The following SPAG17 variants were observed in gnomAD, a reference collection of about 807,000 sequenced individuals.
The protein encoded by SPAG17 is sperm associated antigen 17.
Under a neutral mutation model 273.6 loss-of-function variants are expected in SPAG17, and 169 were observed. The observed-to-expected ratio is 0.62, with a 90% confidence interval of 0.55 to 0.70. The LOEUF (loss-of-function observed/expected upper bound fraction) is 0.70, where lower values mean the gene tolerates loss of function less well. SPAG17 is among the 30% of genes least tolerant of loss of function. SPAG17 has a pLI of 0.00. For missense variants in SPAG17, 2,557 were observed against 2,627.8 expected (o/e 0.97, Z 0.59); for synonymous variants, 825 against 873.2 (o/e 0.94, Z 0.97).
chr1:118,054,514 G>A (rs144889628), intron 19 of SPAG17, among the ~76,000 whole-genome samples: 51 of 152,096 alleles, frequency 3.4e-4, no homozygotes, highest in African/African-American at 1.2e-3. Context: ...TGAGAGACCT[G>A]AAATTGAATG....
chr1:118,183,532 A>T (rs1661043616), intron 1 of SPAG17, among the ~76,000 whole-genome samples: 1 of 152,214 alleles, frequency 6.6e-6, no homozygotes, highest in Non-Finnish European at 1.5e-5. Context: ...TATAGTTAAA[A>T]CTACATATTA....
rs1478366383 is a variant in SPAG17 at position 118,081,652 on chromosome 1, A to C, written c.1763-10T>G. ...TTCCAGCTCAAGACATCTGTAAGAAAGCAGAACCAGTGCTGCTGGAAATGT... is the reference window on the plus strand; with the variant it reads ...TTCCAGCTCAAGACATCTGTAAGAACGCAGAACCAGTGCTGCTGGAAATGT... On this transcript the variant is annotated splice_polypyrimidine_tract_variant and intron_variant, in intron 13 of 48. Transcript: ENST00000336338. The C allele has an allele frequency of 6.2e-7, 1 of 1,609,512 alleles. No homozygotes were observed. Among genetic ancestry groups the C allele is most frequent in the Admixed American group, 1.7e-5 (1 of 59,976 alleles).
intron 18 of SPAG17, among the ~76,000 whole-genome samples, chr1:118,065,858 A>G (rs1652908931): frequency 6.6e-6 from 1 of 152,158 alleles, no homozygotes; most frequent in East Asian, 1.9e-4. Context: ...TGAATATTCG[A>G]AACATTGCCT....
At chr1:118,052,199 A>T (rs1651134651) in intron 20 of SPAG17, among the ~76,000 whole-genome samples, 1 of 148,778 alleles carries the variant, frequency 6.7e-6, no homozygotes, top group Non-Finnish European at 1.5e-5. Flanking sequence ...ATACACACAC[A>T]ATGGAATACT....
chr1:118,148,264 C>T (rs1006749027), intron 3 of SPAG17, among the ~76,000 whole-genome samples: 2 of 152,158 alleles, frequency 1.3e-5, no homozygotes, highest in Non-Finnish European at 2.9e-5. Flanking sequence ...TCACTGACTT[C>T]AAAGAATGAA....
chr1:118,151,105 CTT>C, intron 2 of SPAG17, 122 bp downstream of exon 2: 1 of 789,502 alleles, frequency 1.3e-6, no homozygotes, highest in Admixed American at 4.0e-5. Flanking sequence ...TAAATAGTTA[CTT>C]AAAATAATCC....
chr1:118,158,267 C>G (rs1349138053), intron 1 of SPAG17, among the ~76,000 whole-genome samples: 3 of 152,148 alleles, frequency 2.0e-5, no homozygotes, highest in Non-Finnish European at 4.4e-5. Flanking sequence ...AGACATTAAC[C>G]TATCACCAAC....
intron 46 of SPAG17, among the ~76,000 whole-genome samples, chr1:117,967,526 G>A (rs951501101): frequency 2.3e-4 from 35 of 152,308 alleles, no homozygotes; most frequent in Non-Finnish European, 4.4e-4. Flanking sequence ...TTAGGAATTT[G>A]TGTTGGGCTG....
At chr1:117,973,592 A>G (rs553118963) in intron 43 of SPAG17, 31 bp from the exon 44 acceptor site, 2 of 1,595,124 alleles carry the variant, frequency 1.3e-6, no homozygotes, top group East Asian at 2.2e-5. Context: ...ATTATGCCAC[A>G]TGGACATTTT....
intron 3 of SPAG17, among the ~76,000 whole-genome samples, chr1:118,133,073 C>T (rs1658145806): frequency 6.6e-6 from 1 of 152,142 alleles, no homozygotes; most frequent in Non-Finnish European, 1.5e-5. Context: ...GCCCAGCCAG[C>T]ATGAACATTT....
At chr1:118,071,330 A>G (rs2102088131) in intron 17 of SPAG17, among the ~76,000 whole-genome samples, 1 of 152,354 alleles carries the variant, frequency 6.6e-6, no homozygotes, top group South Asian at 2.1e-4. Flanking sequence ...ACTTCAGAGG[A>G]CTTTAATATC....
At chr1:118,153,096 GC>G (rs2102354297) in intron 1 of SPAG17, among the ~76,000 whole-genome samples, 1 of 152,274 alleles carries the variant, frequency 6.6e-6, no homozygotes, top group Non-Finnish European at 1.5e-5. Flanking sequence ...TCTTTGGGGG[GC>G]AACTGAGAAA....
intron 18 of SPAG17, among the ~76,000 whole-genome samples, chr1:118,060,068 A>G (rs1458262782): frequency 6.6e-6 from 1 of 152,096 alleles, no homozygotes; most frequent in African/African-American, 2.4e-5. Context: ...ATTATGTTGA[A>G]TAATTTTCAA....
chr1:118,091,225 C>G (rs973328384), intron 10 of SPAG17, among the ~76,000 whole-genome samples: 2 of 152,090 alleles, frequency 1.3e-5, no homozygotes, highest in Non-Finnish European at 2.9e-5. Context: ...AAATTGGCCT[C>G]AGAAATACAA....
chr1:117,956,485 A>AT (rs1393877101), intron 48 of SPAG17, among the ~76,000 whole-genome samples: 1 of 152,210 alleles, frequency 6.6e-6, no homozygotes, highest in East Asian at 1.9e-4. Context: ...AAATTGATTA[A>AT]TGTGGAGGTT....
At chr1:118,141,669 T>A (rs1658689941) in intron 3 of SPAG17, among the ~76,000 whole-genome samples, 1 of 152,256 alleles carries the variant, frequency 6.6e-6, no homozygotes, top group African/African-American at 2.4e-5. Flanking sequence ...TGGGCTTCCA[T>A]TTCTTCATTT....
intron 3 of SPAG17, among the ~76,000 whole-genome samples, chr1:118,118,002 A>G (rs1236170834): frequency 6.6e-6 from 1 of 152,234 alleles, no homozygotes; most frequent in African/African-American, 2.4e-5. Flanking sequence ...AAAAATGTTT[A>G]CAAATTAATT....
chr1:118,022,986 A>T (rs1280855972), intron 28 of SPAG17, among the ~76,000 whole-genome samples: 1 of 152,140 alleles, frequency 6.6e-6, no homozygotes, highest in Non-Finnish European at 1.5e-5. Context: ...AATCACAGAG[A>T]TGCCTATTCA....
intron 18 of SPAG17, 119 bp from the exon 19 acceptor site, chr1:118,056,033 TC>T: frequency 8.0e-6 from 6 of 745,352 alleles, no homozygotes; most frequent in Non-Finnish European, 1.3e-5. Flanking sequence ...TTTGAATACA[TC>T]CTAGATGTAT....
Sources: gnomAD v4.1 joint callset for allele counts (sites outside exome capture counted in the v4.1 genomes callset) on GRCh38, gnomAD v4.1.1 for gene constraint, MANE v1.5 for transcripts, NCBI Gene and HGNC (gene_info 2026-07-23, HGNC 2026-07-21) for gene names.